The following DAB1 variants were observed in gnomAD, a reference collection of about 807,000 sequenced individuals.
DAB1 encodes disabled homolog 1.
Under a neutral mutation model 64.6 loss-of-function variants are expected in DAB1, and 15 were observed. That is an observed-to-expected ratio of 0.23 (90% CI 0.16 to 0.36). The LOEUF is 0.36. Ranked by LOEUF, DAB1 falls within the 10% of genes least tolerant of loss-of-function variation. The pLI, the probability that DAB1 is intolerant of heterozygous loss-of-function variation, is 1.00. For missense variants in DAB1, 596 were observed against 706.7 expected, an observed-to-expected ratio of 0.84 and a Z score of 1.78; for synonymous variants, 235 against 251.9, an observed-to-expected ratio of 0.93 and a Z score of 0.64.
In DAB1 at chr1:58,198,545, C is replaced by T. The variant is rs566376859; in HGVS notation, n.310-47957G>A. Among the ~76,000 whole-genome samples, 18 of 152,308 alleles carry T rather than the reference C, an allele frequency of 1.2e-4. No individual in the cohort carries two copies. In the South Asian group the frequency reaches 2.1e-3, roughly 18 times the overall value. Reference sequence around the variant, plus strand: ...ACATATTGGCTGTCCAATGTCCATGCCTTCCTTTGGTACATCAGTACATTT... The same window carrying T: ...ACATATTGGCTGTCCAATGTCCATGTCTTCCTTTGGTACATCAGTACATTT... On this transcript the variant is annotated intron_variant and non_coding_transcript_variant, in intron 4 of 20. Transcript: ENST00000485760.
At chr1:57,197,290 G>C (rs1031207795) in intron 2 of DAB1, among the ~76,000 whole-genome samples, 1 of 150,472 alleles carries the variant, frequency 6.6e-6, no homozygotes, top group East Asian at 2.0e-4. Context: ...GTTGCTATAA[G>C]GCAAAATAGT....
At chr1:57,004,641 C>T (rs1645997939) in intron 14 of DAB1, among the ~76,000 whole-genome samples, 1 of 152,204 alleles carries the variant, frequency 6.6e-6, no homozygotes. Flanking sequence ...TCTTTTAGCC[C>T]TAAAACTTAG....
intron 1 of DAB1, among the ~76,000 whole-genome samples, chr1:57,388,741 G>C (rs574874361): frequency 1.2e-4 from 18 of 152,226 alleles, no homozygotes; most frequent in Admixed American, 1.0e-3. Context: ...CTCACAGCTC[G>C]TTTCCCCTTC....
chr1:57,297,581 GTA>G (rs965130118), intron 1 of DAB1, among the ~76,000 whole-genome samples: 1 of 152,036 alleles, frequency 6.6e-6, no homozygotes, highest in Non-Finnish European at 1.5e-5. Context: ...GATAAATCAA[GTA>G]AGATAAAATA....
chr1:57,294,928 G>T (rs139631210), intron 1 of DAB1, among the ~76,000 whole-genome samples: 154 of 152,264 alleles, frequency 1.0e-3, no homozygotes, highest in African/African-American at 3.6e-3. Context: ...GATACACACT[G>T]CAACGTGGAT....
rs7547412 is a variant in DAB1 at position 57,343,071 on chromosome 1, T to G, written c.-136-51905A>C. On this transcript the variant is annotated intron_variant, in intron 1 of 14. Coordinates refer to ENST00000371236, the MANE Select transcript of DAB1 (RefSeq NM_001365792.1). ...ACCCACATCCTGCTGATTGGTAGAG[T>G]CCAGTGGTCTGTTTTGACAGGGCGC... 1.3e-4 allele frequency among the ~76,000 whole-genome samples: 19 copies of G among 151,156 alleles called. 1 individual carries two copies. In the South Asian group the frequency reaches 4.0e-3, roughly 32 times the overall value.
intron 6 of DAB1, among the ~76,000 whole-genome samples, chr1:57,804,221 G>A (rs930030109): frequency 6.6e-6 from 1 of 152,166 alleles, no homozygotes; most frequent in African/African-American, 2.4e-5. Flanking sequence ...ACGGTTGGGA[G>A]GTGGCTAAAG....
intron 5 of DAB1, among the ~76,000 whole-genome samples, chr1:58,022,428 T>C (rs968659212): frequency 5.3e-5 from 8 of 152,212 alleles, no homozygotes; most frequent in East Asian, 1.9e-4. Flanking sequence ...AGGTTGCATC[T>C]TGCTTTGGCA....
chr1:58,136,918 C>T (rs1052991539), intron 5 of DAB1, among the ~76,000 whole-genome samples: 2 of 152,050 alleles, frequency 1.3e-5, no homozygotes, highest in Non-Finnish European at 2.9e-5. Context: ...CTGAGTTTTC[C>T]ACTAAGACTT....
At chr1:58,077,108 C>T (rs1649700661) in intron 5 of DAB1, among the ~76,000 whole-genome samples, 1 of 151,988 alleles carries the variant, frequency 6.6e-6, no homozygotes, top group Admixed American at 6.6e-5. Context: ...TACCCACACC[C>T]CTTCTCTATA....
chr1:57,065,368 T>A (rs1225543618), intron 8 of DAB1, among the ~76,000 whole-genome samples: 1 of 152,206 alleles, frequency 6.6e-6, no homozygotes, highest in Non-Finnish European at 1.5e-5. Flanking sequence ...ACATGATGGA[T>A]ATGGCCCCTG....
intron 1 of DAB1, among the ~76,000 whole-genome samples, chr1:58,528,510 G>A (rs1465111060): frequency 6.6e-6 from 1 of 152,124 alleles, no homozygotes; most frequent in Non-Finnish European, 1.5e-5. Context: ...TTGTCCTCCA[G>A]GGACATTTAC....
intron 5 of DAB1, among the ~76,000 whole-genome samples, chr1:57,950,772 C>G (rs1270392144): frequency 6.6e-6 from 1 of 152,158 alleles, no homozygotes; most frequent in African/African-American, 2.4e-5. Flanking sequence ...ATCAAATCCT[C>G]TCTTTTAAAT....
Position 58,105,395 on chromosome 1 carries a change from GC to G in DAB1, n.387+45115del, listed in dbSNP as rs1651571978. Among the ~76,000 whole-genome samples, 4 of 152,142 alleles carry G rather than the reference GC, an allele frequency of 2.6e-5. No homozygotes were observed. The South Asian group carries it at 8.3e-4, about 32-fold the overall frequency. Reference sequence around the variant, plus strand: ...ATACAAGGGCTGCCATTGCTTTAGGGCCCCCATGTGCTGGGTGCCCGCATGC... The same window carrying G: ...ATACAAGGGCTGCCATTGCTTTAGGGCCCCATGTGCTGGGTGCCCGCATGC... On this transcript the variant is annotated intron_variant and non_coding_transcript_variant, in intron 5 of 20. Coordinates refer to the DAB1 transcript ENST00000485760.
At chr1:57,285,630 C>T (rs1672253190) in intron 2 of DAB1, among the ~76,000 whole-genome samples, 3 of 152,110 alleles carry the variant, frequency 2.0e-5, no homozygotes, top group Admixed American at 6.5e-5. Context: ...TACACAAACC[C>T]CTCCCTTTAA....
chr1:57,984,460 T>G (rs1401981118), intron 5 of DAB1, among the ~76,000 whole-genome samples: 1 of 152,170 alleles, frequency 6.6e-6, no homozygotes, highest in Non-Finnish European at 1.5e-5. Flanking sequence ...GCCAGCTTCA[T>G]TGTGATGCAA....
intron 2 of DAB1, among the ~76,000 whole-genome samples, chr1:57,273,592 TTCCTTCCTTCCTTCCTTCCTTCCCTCCC>T (rs60018969): frequency 0.29 from 31,935 of 110,218 alleles, 5,004 homozygotes; most frequent in Admixed American, 0.4. Flanking sequence ...CCTTCCTTCC[TTCCTTCCTTCCTTCCTTCCTTCCCTCCC>T]TCCCTCCCTC....
In DAB1 at chr1:57,183,945, G is replaced by A. The variant is rs190950973; in HGVS notation, c.68-38516C>T. ...GCTCAAGCCAGAAAAGGACATAGAG[G>A]ATATCAGTAGACAAGATTGATGTTG... On this transcript the variant is annotated intron_variant, in intron 2 of 14. Coordinates refer to ENST00000371236, the MANE Select transcript of DAB1 (RefSeq NM_001365792.1). Among the ~76,000 whole-genome samples the A allele has an allele frequency of 8.4e-4, 128 of 152,254 alleles. 2 individuals are homozygous for A. Among genetic ancestry groups the A allele is most frequent in the East Asian group, 1.9e-4 (1 of 5,168 alleles).
intron 2 of DAB1, among the ~76,000 whole-genome samples, chr1:57,195,692 C>A (rs1010888369): frequency 6.6e-6 from 1 of 152,214 alleles, no homozygotes; most frequent in East Asian, 1.9e-4. Context: ...ATTAAAGCAT[C>A]TCCTAATTGT....
Sources: allele counts gnomAD v4.1 joint callset (sites outside exome capture counted in the v4.1 genomes callset), GRCh38; gene constraint gnomAD v4.1.1; transcripts MANE v1.5; gene names NCBI Gene and HGNC (gene_info 2026-07-23, HGNC 2026-07-21).